The following CD70 variants were observed in gnomAD, a reference collection of about 807,000 sequenced individuals.
CD70 encodes the protein CD70 molecule.
A neutral mutation model predicts 9.0 loss-of-function variants in CD70; 6 were observed. That is an observed-to-expected ratio of 0.67 (90% CI 0.37 to 1.32). CD70 has a LOEUF of 1.32. Among genes scored for constraint, CD70 ranks in the 40% most tolerant of loss-of-function variants. The probability of loss-of-function intolerance (pLI) is 0.02; values close to 1 mark genes in which losing one functional copy is unlikely to be tolerated. For missense variants in CD70, 235 were observed against 258.7 expected (o/e 0.91, Z 0.63); for synonymous variants, 108 against 112.3 (o/e 0.96, Z 0.24).
chr19:6,584,786 A>T (rs1915983705), downstream of CD70, among the ~76,000 whole-genome samples: 1 of 151,150 alleles, frequency 6.6e-6, no homozygotes, highest in Admixed American at 6.6e-5. Context: ...GGATCGCTTG[A>T]GCCCAGGAGT....
At position 6,590,234 on chromosome 19, in the gene CD70, T is replaced by TGGATGGA; in HGVS notation, c.163-99_163-98insTCCATCC. 1.1e-6 allele frequency: 1 copy of TGGATGGA among 919,820 alleles called. No individual in the cohort carries two copies. Among genetic ancestry groups the TGGATGGA allele is most frequent in the Non-Finnish European group, 1.8e-6 (1 of 551,236 alleles). The allele number at this position is 919,820 out of a possible 1,614,324, so 57.0% of individuals were successfully genotyped here. A position where few individuals can be genotyped will look rare whatever the true frequency, so the allele number is the denominator to read the frequency against. On this transcript the variant is annotated intron_variant, in intron 1 of 2. Coordinates refer to ENST00000245903, the MANE Select transcript of CD70 (RefSeq NM_001252.5). This position sits in a 1 kb window ranked among gnomAD's most constrained non-coding sequence, Gnocchi z 5.3. Reference sequence around the variant, plus strand: ...TCTCTTTTCTCTGTCCATCCTCCTTTCCACCTCTCATCCCACGGCGCGCAC... The same window carrying TGGATGGA: ...TCTCTTTTCTCTGTCCATCCTCCTTTGGATGGACCACCTCTCATCCCACGGCGCGCAC...
At chr19:6,583,556 T>C, downstream of CD70, 2 of 105,492 alleles carry the variant, frequency 1.9e-5, no homozygotes, top group Non-Finnish European at 3.4e-5. Context: ...TTGTAGTCTT[T>C]TTTTTTTTTT....
downstream of CD70, among the ~76,000 whole-genome samples, chr19:6,584,601 T>C (rs1361088775): frequency 1.3e-5 from 2 of 149,996 alleles, no homozygotes; most frequent in African/African-American, 2.5e-5. Context: ...GGCTCATGCC[T>C]GTAATCCCAG....
chr19:6,585,597 C>A (rs2145319079), downstream of CD70, among the ~76,000 whole-genome samples: 1 of 152,252 alleles, frequency 6.6e-6, no homozygotes, highest in South Asian at 2.1e-4. Flanking sequence ...CTTCCTCAGC[C>A]TCCCAAAGTG....
chr19:6,588,269 A>C (rs751942053), intron 2 of CD70, among the ~76,000 whole-genome samples: 13 of 152,204 alleles, frequency 8.5e-5, no homozygotes, highest in Non-Finnish European at 1.9e-4. Flanking sequence ...GTCCTGTGAA[A>C]GACACTGTCA....
intron 2 of CD70, among the ~76,000 whole-genome samples, chr19:6,587,698 C>T (rs1474563134): frequency 6.6e-6 from 1 of 152,010 alleles, no homozygotes; most frequent in Non-Finnish European, 1.5e-5. Context: ...CCCGTTGGCC[C>T]TCTTCTCTCT....
At chr19:6,584,871 T>C (rs1480359427), downstream of CD70, among the ~76,000 whole-genome samples, 1 of 152,030 alleles carries the variant, frequency 6.6e-6, no homozygotes, top group African/African-American at 2.4e-5. Context: ...GTATTTTCAG[T>C]AGAGGTGAGG....
At chr19:6,587,581 C>T (rs1916056400) in intron 2 of CD70, among the ~76,000 whole-genome samples, 1 of 151,934 alleles carries the variant, frequency 6.6e-6, no homozygotes, top group African/African-American at 2.4e-5. Flanking sequence ...GACGCCTGCT[C>T]GGGTCACACC....
In CD70 at chr19:6,585,944, C is replaced by G; in HGVS notation, c.*76G>C. 1 of 1,209,838 alleles carries G rather than the reference C, an allele frequency of 8.3e-7. No individual in the cohort carries two copies. The highest frequency in any genetic ancestry group is 1.1e-6 in the Non-Finnish European group (1 of 877,104). 74.9% of individuals were successfully genotyped at this position (1,209,838 alleles called of 1,614,324 possible). A position where few individuals can be genotyped will look rare whatever the true frequency, so the allele number is the denominator to read the frequency against. ...CACTCCCACCCCAACCCCGGGTGGC[C>G]CCTGTGTGTACACTTTTTCTCTTGA... On this transcript the variant is annotated 3_prime_UTR_variant, in exon 3 of 3. Transcript: ENST00000245903.
At chr19:6,585,778 G>A (rs1916000644), downstream of CD70, 1 of 425,186 alleles carries the variant, frequency 2.4e-6, no homozygotes, top group Non-Finnish European at 4.2e-6. Flanking sequence ...CGGTTCAAGC[G>A]ATTCTCCTGC....
Position 6,591,149 on chromosome 19 carries a change from C to T in CD70, c.-147G>A. On this transcript the variant is annotated 5_prime_UTR_variant, in exon 1 of 3. Transcript: ENST00000245903. ...TGTCAGGGGACCAGCCTGCCCCTCT[C>T]TGGGGATGTCCGGCCGGTCGAGGGG... The T allele has an allele frequency of 1.3e-6, 1 of 757,624 alleles. No homozygotes were observed. Among genetic ancestry groups the T allele is most frequent in the Non-Finnish European group, 2.0e-6 (1 of 506,318 alleles). 46.9% of individuals were successfully genotyped at this position (757,624 alleles called of 1,614,324 possible).
downstream of CD70, among the ~76,000 whole-genome samples, chr19:6,583,632 C>T (rs911458180): frequency 6.7e-6 from 1 of 149,416 alleles, no homozygotes; most frequent in African/African-American, 2.5e-5. Flanking sequence ...TATCTCAGCT[C>T]ACTGCAATCT....
downstream of CD70, chr19:6,583,312 G>A (rs887844162): frequency 2.9e-6 from 2 of 697,658 alleles, no homozygotes; most frequent in East Asian, 2.7e-5. Flanking sequence ...AACGGTTTAC[G>A]CCTCTGTTTT....
rs995753316 is a variant in CD70 at position 6,585,916 on chromosome 19, C to T, written c.*104G>A. On this transcript the variant is annotated 3_prime_UTR_variant, in exon 3 of 3. Coordinates refer to ENST00000245903, the MANE Select transcript of CD70 (RefSeq NM_001252.5). ...CTTGTCCTGCCACCACTACCCCCCA[C>T]CACACTCCCACCCCAACCCCGGGTG... is the stretch of plus-strand genomic sequence containing the variant. The T allele has an allele frequency of 9.0e-6, 7 of 776,894 alleles. No homozygotes were observed. The South Asian group carries it at 1.4e-4, about 15-fold the overall frequency. 48.1% of individuals were successfully genotyped at this position (776,894 alleles called of 1,614,324 possible). A position where few individuals can be genotyped will look rare whatever the true frequency, so the allele number is the denominator to read the frequency against.
chr19:6,582,217 G>C (rs1288284138), downstream of CD70, among the ~76,000 whole-genome samples: 2 of 150,240 alleles, frequency 1.3e-5, no homozygotes, highest in Admixed American at 6.6e-5. Flanking sequence ...TTGTATTTTA[G>C]TAGAAACGGG....
chr19:6,586,059 A>G lies in CD70; in HGVS notation c.543T>C (p.Thr181=). 1 of 1,614,034 alleles carries G rather than the reference A, an allele frequency of 6.2e-7. No individual in the cohort carries two copies. Among genetic ancestry groups the G allele is most frequent in the South Asian group, 1.1e-5 (1 of 91,070 alleles). The change falls in exon 3 of 3, where the codon ACT becomes ACC. Residue 181 remains threonine (T), a synonymous_variant. Coordinates refer to ENST00000245903, the MANE Select transcript of CD70 (RefSeq NM_001252.5). ...LTGTLLPSRN[T]DETFFGVQWV... ...ACTGCACTCCAAAGAAGGTCTCATC[A>G]GTGTTTCGGGAAGGCAAAAGTGTCC... is the stretch of plus-strand genomic sequence containing the variant.
downstream of CD70, among the ~76,000 whole-genome samples, chr19:6,583,871 C>A (rs1351743114): frequency 3.4e-5 from 5 of 148,118 alleles, no homozygotes; most frequent in African/African-American, 5.0e-5. Context: ...TGGCTCACTG[C>A]AACCTCCACC....
chr19:6,589,277 TTC>T (rs937681113), intron 2 of CD70, among the ~76,000 whole-genome samples: 2 of 151,806 alleles, frequency 1.3e-5, no homozygotes, highest in African/African-American at 2.4e-5. Context: ...ATTTCTTTTT[TTC>T]TCTTTCTTCT....
downstream of CD70, among the ~76,000 whole-genome samples, chr19:6,585,403 G>A (rs1017712929): frequency 6.7e-6 from 1 of 150,110 alleles, no homozygotes; most frequent in Non-Finnish European, 1.5e-5. Flanking sequence ...GGAGTGCAGT[G>A]GCATGATCAC....
Sources: gnomAD v4.1 joint callset for allele counts (sites outside exome capture counted in the v4.1 genomes callset) on GRCh38, gnomAD v4.1.1 for gene constraint, Gnocchi (gnomAD v3.1) non-coding constraint, MANE v1.5 for transcripts, NCBI Gene and HGNC (gene_info 2026-07-23, HGNC 2026-07-21) for gene names.